The following GULP1 variants were observed in gnomAD, a reference collection of about 807,000 sequenced individuals.
GULP1 encodes the protein PTB domain-containing engulfment adapter protein 1.
GULP1 carries 19 observed loss-of-function variants against 40.9 expected under a neutral mutation model. The observed-to-expected ratio is 0.46, with a 90% CI of 0.32 to 0.68. The LOEUF (loss-of-function observed/expected upper bound fraction) is 0.68, where lower values mean the gene tolerates loss of function less well. GULP1 is among the 30% of genes least tolerant of loss of function. The pLI is 0.03. For missense variants in GULP1, 312 were observed against 362.2 expected, an observed-to-expected ratio of 0.86 and a Z score of 1.12; for synonymous variants, 119 against 117.6, an observed-to-expected ratio of 1.01 and a Z score of -0.08.
At chr2:188,374,169 A>G (rs1282717172) in intron 1 of GULP1, among the ~76,000 whole-genome samples, 1 of 152,098 alleles carries the variant, frequency 6.6e-6, no homozygotes, top group African/African-American at 2.4e-5. Flanking sequence ...TGTCTTTAAA[A>G]CACCAAAAGA....
chr2:188,393,186 C>T (rs1024116458), intron 2 of GULP1, among the ~76,000 whole-genome samples: 1 of 151,586 alleles, frequency 6.6e-6, no homozygotes, highest in Non-Finnish European at 1.5e-5. Flanking sequence ...GTTGAAGTCC[C>T]CCCGCGATTA....
chr2:188,366,588 C>CT lies in GULP1; in HGVS notation c.-171-17153dup, dbSNP rs34745549. On this transcript the variant is annotated intron_variant, in intron 1 of 11. Transcript: ENST00000409830. ...TTGTAGGGCGACTTCCAGTTACTTTCTTTTTTTTTTTTTTTTTTTTTTGAG... is the reference window on the plus strand; with the variant it reads ...TTGTAGGGCGACTTCCAGTTACTTTCTTTTTTTTTTTTTTTTTTTTTTTGAG... Among the ~76,000 whole-genome samples the CT allele has an allele frequency of 6.7e-3, 566 of 84,028 alleles. 7 individuals are homozygous for CT. Among genetic ancestry groups the CT allele is most frequent in the Non-Finnish European group, 7.8e-3 (352 of 45,090 alleles). 55.1% of individuals were successfully genotyped at this position (84,028 alleles called of 152,430 possible).
intron 1 of GULP1, among the ~76,000 whole-genome samples, chr2:188,305,486 ACT>A (rs1038826971): frequency 6.6e-6 from 1 of 151,920 alleles, no homozygotes; most frequent in Admixed American, 6.6e-5. Flanking sequence ...ATGGGGGAGG[ACT>A]CTCTGTAATG....
At chr2:188,558,921 G>A (rs1695543251) in intron 7 of GULP1, among the ~76,000 whole-genome samples, 2 of 152,114 alleles carry the variant, frequency 1.3e-5, no homozygotes, top group Admixed American at 6.5e-5. Context: ...AGTGACTTGG[G>A]TGCTGTTAAA....
Position 188,564,337 on chromosome 2 carries a change from C to CT in GULP1, c.400-4896dup, listed in dbSNP as rs1316516695. On this transcript the variant is annotated intron_variant, in intron 7 of 11. Coordinates refer to ENST00000409830, the MANE Select transcript of GULP1 (RefSeq NM_016315.4). ...TCTTTTTTCACATATATAATATCAA[C>CT]TTTTTTACATAAAAATTGCTGAGAT... Among the ~76,000 whole-genome samples the CT allele has an allele frequency of 2.7e-5, 4 of 149,310 alleles. No individual in the cohort carries two copies. In the East Asian group the frequency reaches 7.9e-4, roughly 30 times the overall value.
chr2:188,494,038 C>T (rs2062664862), intron 4 of GULP1, among the ~76,000 whole-genome samples: 2 of 151,990 alleles, frequency 1.3e-5, no homozygotes, highest in Non-Finnish European at 2.9e-5. Context: ...GTGTTCATGC[C>T]AGCCAGTGAA....
At chr2:188,435,165 T>C (rs1017372133) in intron 2 of GULP1, among the ~76,000 whole-genome samples, 5 of 152,098 alleles carry the variant, frequency 3.3e-5, no homozygotes, top group African/African-American at 1.2e-4. Context: ...TTGTCTCAGT[T>C]GGTTTTTATT....
chr2:188,304,041 G>A (rs1337892765), intron 1 of GULP1, among the ~76,000 whole-genome samples: 1 of 152,130 alleles, frequency 6.6e-6, no homozygotes, highest in Non-Finnish European at 1.5e-5. Context: ...CCACATTCTT[G>A]TGGGTTTTTG....
intron 3 of GULP1, among the ~76,000 whole-genome samples, chr2:188,482,845 A>AC (rs1292251464): frequency 1.3e-5 from 2 of 151,748 alleles, no homozygotes; most frequent in Non-Finnish European, 2.9e-5. Flanking sequence ...CTGAGAGAAG[A>AC]CCTTCAATCA....
chr2:188,524,867 T>C (rs969544986), intron 5 of GULP1, among the ~76,000 whole-genome samples: 17 of 151,810 alleles, frequency 1.1e-4, no homozygotes, highest in Non-Finnish European at 2.2e-4. Flanking sequence ...AGTATGTGAA[T>C]TTATTTGCCA....
At chr2:188,442,429 T>C (rs1257028362) in intron 2 of GULP1, among the ~76,000 whole-genome samples, 1 of 152,198 alleles carries the variant, frequency 6.6e-6, no homozygotes, top group Non-Finnish European at 1.5e-5. Flanking sequence ...TTATAATGGA[T>C]AACCAATTTG....
At chr2:188,538,540 G>A (rs1425486082) in intron 6 of GULP1, among the ~76,000 whole-genome samples, 1 of 151,940 alleles carries the variant, frequency 6.6e-6, no homozygotes, top group Non-Finnish European at 1.5e-5. Context: ...TAGAGTATAT[G>A]ACTATTTACC....
At chr2:188,526,672 G>A (rs1686235458) in intron 5 of GULP1, among the ~76,000 whole-genome samples, 1 of 152,134 alleles carries the variant, frequency 6.6e-6, no homozygotes, top group Admixed American at 6.6e-5. Context: ...CCTTAGGCAT[G>A]AGAGTTGTGT....
intron 1 of GULP1, among the ~76,000 whole-genome samples, chr2:188,311,634 A>G (rs1292126989): frequency 6.6e-6 from 1 of 151,572 alleles, no homozygotes. Context: ...AACAAAATTG[A>G]TTTTCTCAGT....
intron 9 of GULP1, among the ~76,000 whole-genome samples, chr2:188,578,079 A>G (rs1206697562): frequency 6.6e-6 from 1 of 151,996 alleles, no homozygotes; most frequent in Non-Finnish European, 1.5e-5. Flanking sequence ...ATTATATTTT[A>G]ATCTTGACAT....
chr2:188,587,569 A>G (rs904944571), intron 10 of GULP1, among the ~76,000 whole-genome samples: 2 of 152,144 alleles, frequency 1.3e-5, no homozygotes, highest in African/African-American at 4.8e-5. Context: ...TACAATTATC[A>G]GCTCTTTGGT....
chr2:188,488,205 C>T (rs2062028885), intron 4 of GULP1, among the ~76,000 whole-genome samples: 1 of 152,002 alleles, frequency 6.6e-6, no homozygotes, highest in African/African-American at 2.4e-5. Flanking sequence ...ATACCAACAA[C>T]TCCACTGATT....
chr2:188,404,368 C>T (rs761527020), intron 2 of GULP1, among the ~76,000 whole-genome samples: 7 of 152,158 alleles, frequency 4.6e-5, no homozygotes, highest in Non-Finnish European at 8.8e-5. Context: ...GTTAAAAGGA[C>T]AGACACTCTT....
At chr2:188,293,756 G>A (rs1424169255) in intron 1 of GULP1, 1 of 152,184 alleles carries the variant, frequency 6.6e-6, no homozygotes, top group African/African-American at 2.4e-5. Context: ...GTCCAGGAGT[G>A]TTTTCCAAGT....
Sources: allele counts gnomAD v4.1 joint callset (sites outside exome capture counted in the v4.1 genomes callset), GRCh38; gene constraint gnomAD v4.1.1; transcripts MANE v1.5; gene names NCBI Gene and HGNC (gene_info 2026-07-23, HGNC 2026-07-21).